CYB5A: variants seen among roughly 807,000 people sequenced by gnomAD.
CYB5A encodes cytochrome b5 type A.
CYB5A carries 10 observed loss-of-function variants against 16.2 expected under a neutral mutation model. The observed-to-expected ratio is 0.62, with a 90% CI of 0.38 to 1.04. The LOEUF is 1.04. Among genes scored for constraint, CYB5A ranks in the 50% least tolerant of loss-of-function variants. CYB5A has a pLI of 0.01. For missense variants in CYB5A, 161 were observed against 165.9 expected (o/e 0.97, Z 0.16); for synonymous variants, 62 against 57.0 (o/e 1.09, Z -0.40).
intron 1 of CYB5A, among the ~76,000 whole-genome samples, chr18:74,280,154 G>C (rs1293828161): frequency 6.6e-6 from 1 of 152,146 alleles, no homozygotes; most frequent in Admixed American, 6.5e-5. Context: ...AAGGAGGTGA[G>C]GCAGGGAACC....
intron 1 of CYB5A, among the ~76,000 whole-genome samples, chr18:74,281,335 G>A (rs1416602112): frequency 6.6e-6 from 1 of 152,210 alleles, no homozygotes; most frequent in Non-Finnish European, 1.5e-5. Flanking sequence ...TGGCCAGGAT[G>A]TGACAATCCA....
chr18:74,289,535 G>A (rs554948045), intron 1 of CYB5A, among the ~76,000 whole-genome samples: 2 of 152,160 alleles, frequency 1.3e-5, no homozygotes, highest in Non-Finnish European at 2.9e-5. Context: ...CAGCACTTTG[G>A]GAGGCTAAGG....
chr18:74,279,152 C>G (rs1982992208), intron 1 of CYB5A, among the ~76,000 whole-genome samples: 1 of 152,218 alleles, frequency 6.6e-6, no homozygotes, highest in Non-Finnish European at 1.5e-5. Flanking sequence ...GCCACCAAAA[C>G]TGGGGGCCCA....
chr18:74,276,675 C>T (rs1465136169), intron 1 of CYB5A, among the ~76,000 whole-genome samples: 1 of 152,206 alleles, frequency 6.6e-6, no homozygotes, highest in East Asian at 1.9e-4. Context: ...GTCATGCCTT[C>T]GGAGGGTTTG....
At chr18:74,281,706 G>A (rs779466816) in intron 1 of CYB5A, among the ~76,000 whole-genome samples, 10 of 151,278 alleles carry the variant, frequency 6.6e-5, no homozygotes, top group Non-Finnish European at 1.3e-4. Flanking sequence ...GCAGAAAAAT[G>A]AGGAAATCCT....
chr18:74,279,335 C>A (rs1983000927), intron 1 of CYB5A, among the ~76,000 whole-genome samples: 1 of 152,226 alleles, frequency 6.6e-6, no homozygotes, highest in Admixed American at 6.5e-5. Flanking sequence ...TGAGATCAGC[C>A]TGGCCAACAA....
intron 1 of CYB5A, among the ~76,000 whole-genome samples, chr18:74,276,730 G>C (rs993430895): frequency 3.9e-5 from 6 of 152,106 alleles, no homozygotes; most frequent in African/African-American, 1.4e-4. Flanking sequence ...ATGAACGCAG[G>C]CCGCCTGACT....
intron 1 of CYB5A, among the ~76,000 whole-genome samples, chr18:74,269,831 T>C (rs1464960150): frequency 6.6e-6 from 1 of 152,106 alleles, no homozygotes; most frequent in Non-Finnish European, 1.5e-5. Context: ...CCATCCTCCC[T>C]AGCATCAGTT....
At chr18:74,262,815 C>T (rs912149277) in intron 2 of CYB5A, among the ~76,000 whole-genome samples, 6 of 152,120 alleles carry the variant, frequency 3.9e-5, no homozygotes, top group African/African-American at 7.2e-5. Context: ...CAGTGCATGG[C>T]TGTGGGGTGG....
At chr18:74,270,226 G>A (rs4892190) in intron 1 of CYB5A, among the ~76,000 whole-genome samples, 21,612 of 151,708 alleles carry the variant, frequency 0.14, 1,671 homozygotes, top group Admixed American at 0.21. Context: ...CTGCTCAAAC[G>A]TTAACACCTC....
At chr18:74,291,475 G>T (rs1983537483) in intron 1 of CYB5A, among the ~76,000 whole-genome samples, 1 of 148,554 alleles carries the variant, frequency 6.7e-6, no homozygotes, top group African/African-American at 2.5e-5. Flanking sequence ...GAGCGCCCAG[G>T]TGTACACTAG....
chr18:74,270,793 G>T (rs1982638964), intron 1 of CYB5A, among the ~76,000 whole-genome samples: 1 of 152,106 alleles, frequency 6.6e-6, no homozygotes, highest in African/African-American at 2.4e-5. Context: ...GCACCTTCGG[G>T]GTTTGGTATC....
intron 1 of CYB5A, among the ~76,000 whole-genome samples, chr18:74,286,686 T>C (rs1983332722): frequency 6.6e-6 from 1 of 152,224 alleles, no homozygotes; most frequent in Admixed American, 6.5e-5. Context: ...TGCTTTCCCA[T>C]GAATGCCCAG....
intron 1 of CYB5A, among the ~76,000 whole-genome samples, chr18:74,284,846 A>G (rs1268122557): frequency 6.6e-6 from 1 of 152,182 alleles, no homozygotes; most frequent in East Asian, 1.9e-4. Context: ...TACGGATGTA[A>G]GAAAGTAACT....
chr18:74,256,721 G>T, intron 3 of CYB5A: 1 of 971,960 alleles, frequency 1.0e-6, no homozygotes, highest in Non-Finnish European at 1.6e-6. Flanking sequence ...ACAATCAGCG[G>T]CCTGCAGTAA....
chr18:74,256,698 A>G lies in CYB5A; in HGVS notation c.289-923T>C. Reference sequence around the variant, plus strand: ...TGCAGTTTCCCAAAGCAAAGATAAAAAGCATTAGCAAAACAATCAGCGGCC... The same window carrying G: ...TGCAGTTTCCCAAAGCAAAGATAAAGAGCATTAGCAAAACAATCAGCGGCC... On this transcript the variant is annotated intron_variant, in intron 3 of 4. Transcript: ENST00000340533. 4.8e-6 allele frequency: 4 copies of G among 827,900 alleles called. No individual in the cohort carries two copies. In the South Asian group the frequency reaches 6.4e-5, roughly 13 times the overall value. 51.3% of individuals were successfully genotyped at this position (827,900 alleles called of 1,614,324 possible).
At chr18:74,271,273 G>C (rs1020445065) in intron 1 of CYB5A, among the ~76,000 whole-genome samples, 1 of 152,214 alleles carries the variant, frequency 6.6e-6, no homozygotes, top group Admixed American at 6.5e-5. Flanking sequence ...GCACAGAAGA[G>C]ACTTCTGGCC....
intron 1 of CYB5A, among the ~76,000 whole-genome samples, chr18:74,284,025 G>A (rs1983221095): frequency 6.6e-6 from 1 of 152,092 alleles, no homozygotes; most frequent in Admixed American, 6.6e-5. Flanking sequence ...TTGAGGTCAG[G>A]GGTTTGAGAC....
intron 1 of CYB5A, among the ~76,000 whole-genome samples, chr18:74,270,329 C>A (rs761894890): frequency 6.6e-6 from 1 of 152,044 alleles, no homozygotes; most frequent in African/African-American, 2.4e-5. Context: ...CCAATGTGGG[C>A]GGATTGCTTG....
Sources: gnomAD v4.1 joint callset for allele counts (sites outside exome capture counted in the v4.1 genomes callset) on GRCh38, gnomAD v4.1.1 for gene constraint, MANE v1.5 for transcripts, NCBI Gene and HGNC (gene_info 2026-07-23, HGNC 2026-07-21) for gene names.